The following GALNT13 variants were observed in gnomAD, a reference collection of about 807,000 sequenced individuals.
The protein encoded by GALNT13 is UDP-GalNAc:polypeptide N-acetylgalactosaminyltransferase 13.
A neutral mutation model predicts 64.2 loss-of-function variants in GALNT13; 28 were observed. That is an observed-to-expected ratio of 0.44 (90% CI 0.32 to 0.60). GALNT13 has a LOEUF of 0.60. GALNT13 is among the 20% of genes least tolerant of loss of function. The pLI, the probability that GALNT13 is intolerant of heterozygous loss-of-function variation, is 0.05. For missense variants in GALNT13, 577 were observed against 669.8 expected (o/e 0.86, Z 1.53); for synonymous variants, 214 against 224.6 (o/e 0.95, Z 0.42).
At chr2:153,302,985 T>G in the GALNT13 span, among the ~76,000 whole-genome samples, 2 of 152,178 alleles carry the variant, frequency 1.3e-5, no homozygotes, top group East Asian at 3.8e-4. Context: ...GTGTGATGCC[T>G]CCAGCTTTGT....
the GALNT13 span, among the ~76,000 whole-genome samples, chr2:153,400,094 G>A: frequency 4.0e-4 from 61 of 151,934 alleles, no homozygotes; most frequent in African/African-American, 1.0e-3. Context: ...TTTGAAATAC[G>A]TCCCATCAAT....
At chr2:154,239,961 G>A (rs1689393797) in intron 4 of GALNT13, among the ~76,000 whole-genome samples, 2 of 152,044 alleles carry the variant, frequency 1.3e-5, no homozygotes, top group African/African-American at 4.8e-5. Context: ...CAACAATGCT[G>A]TATGTGTCAT....
chr2:153,670,127 A>G, the GALNT13 span, among the ~76,000 whole-genome samples: 1 of 152,208 alleles, frequency 6.6e-6, no homozygotes, highest in Admixed American at 6.5e-5. Context: ...TATCTGAACA[A>G]AAGGCAGCAG....
chr2:153,418,828 A>G, the GALNT13 span, among the ~76,000 whole-genome samples: 230 of 152,278 alleles, frequency 1.5e-3, no homozygotes, highest in African/African-American at 5.2e-3. Flanking sequence ...ACTGCACTTC[A>G]GCCTGGGCGA....
intron 1 of GALNT13, among the ~76,000 whole-genome samples, chr2:153,878,735 A>G: frequency 6.6e-6 from 1 of 152,168 alleles, no homozygotes; most frequent in Admixed American, 6.5e-5. Flanking sequence ...TGTACGGGTC[A>G]GTTTGCTCCA....
chr2:154,262,020 G>T (rs1451211788), intron 8 of GALNT13, among the ~76,000 whole-genome samples: 1 of 152,108 alleles, frequency 6.6e-6, no homozygotes, highest in South Asian at 2.1e-4. Context: ...CTTGATCGCT[G>T]TACTTAAAGA....
the GALNT13 span, among the ~76,000 whole-genome samples, chr2:153,556,732 A>C: frequency 7.2e-5 from 11 of 152,286 alleles, no homozygotes; most frequent in Middle Eastern, 3.4e-3. Flanking sequence ...AAATATTCTT[A>C]AATTCAAAAC....
At chr2:154,291,721 T>A (rs567708817) in intron 8 of GALNT13, among the ~76,000 whole-genome samples, 1 of 152,346 alleles carries the variant, frequency 6.6e-6, no homozygotes, top group East Asian at 1.9e-4. Flanking sequence ...GGCTCCCGCC[T>A]TGGCCAGCCC....
rs541339432 is a variant in GALNT13 at position 154,388,237 on chromosome 2, C to T, written c.1157-7754C>T. Among the ~76,000 whole-genome samples, 6 of 152,230 alleles carry T rather than the reference C, an allele frequency of 3.9e-5. No individual in the cohort carries two copies. In the South Asian group the frequency reaches 1.0e-3, roughly 26 times the overall value. ...TCTTCTTTTGAGAAATGTTTGTTCA[C>T]GACCTTTGCCCATTTTTAATCAGGT... On this transcript the variant is annotated intron_variant, in intron 9 of 12. Transcript: ENST00000392825.
At chr2:153,227,782 TAAA>T in the GALNT13 span, among the ~76,000 whole-genome samples, 17 of 152,292 alleles carry the variant, frequency 1.1e-4, no homozygotes, top group African/African-American at 4.1e-4. Flanking sequence ...AACAAGTTAA[TAAA>T]AAATTCTGGA....
intron 3 of GALNT13, among the ~76,000 whole-genome samples, chr2:154,072,002 T>C (rs1346888583): frequency 6.6e-6 from 1 of 152,086 alleles, no homozygotes; most frequent in African/African-American, 2.4e-5. Flanking sequence ...GTGAGTTCAA[T>C]GTTAATGAAT....
At chr2:154,116,214 G>T (rs1681554446) in intron 3 of GALNT13, among the ~76,000 whole-genome samples, 1 of 152,140 alleles carries the variant, frequency 6.6e-6, no homozygotes, top group South Asian at 2.1e-4. Flanking sequence ...AGGTGCATCA[G>T]TGTTTACAAA....
Position 154,202,831 on chromosome 2 carries a change from C to T in GALNT13, c.312-39199C>T, listed in dbSNP as rs541748424. ...ACTACCATCGGTGATTCCAAGGTAA[C>T]TGTGCATCAAGTTATCTCAGGGAAA... is the stretch of plus-strand genomic sequence containing the variant. On this transcript the variant is annotated intron_variant, in intron 4 of 12. Coordinates refer to ENST00000392825, the MANE Select transcript of GALNT13 (RefSeq NM_052917.4). Among the ~76,000 whole-genome samples, 130 of 152,204 alleles carry T rather than the reference C, an allele frequency of 8.5e-4. 1 individual carries two copies. Among genetic ancestry groups the T allele is most frequent in the African/African-American group, 3.1e-3 (128 of 41,536 alleles).
intron 3 of GALNT13, among the ~76,000 whole-genome samples, chr2:154,116,734 C>T (rs1393715497): frequency 1.3e-5 from 2 of 152,102 alleles, no homozygotes; most frequent in African/African-American, 4.8e-5. Context: ...GAAGTAGAGT[C>T]CTTAGCATTT....
chr2:153,689,594 T>C, the GALNT13 span, among the ~76,000 whole-genome samples: 5 of 152,108 alleles, frequency 3.3e-5, no homozygotes, highest in Admixed American at 1.3e-4. Flanking sequence ...CACTATGAAT[T>C]AGATTTTTGT....
chr2:153,934,670 C>T (rs766420845), intron 2 of GALNT13, among the ~76,000 whole-genome samples: 4 of 152,122 alleles, frequency 2.6e-5, no homozygotes, highest in East Asian at 1.9e-4. Flanking sequence ...GTGTGTGTTC[C>T]ACTTGCTTCC....
the GALNT13 span, among the ~76,000 whole-genome samples, chr2:153,309,714 G>T: frequency 2.0e-5 from 3 of 151,500 alleles, no homozygotes; most frequent in Admixed American, 6.6e-5. Context: ...CTCATTTTTT[G>T]ATTTTTTTAA....
intron 3 of GALNT13, among the ~76,000 whole-genome samples, chr2:154,071,013 C>G (rs1407964268): frequency 6.6e-6 from 1 of 151,856 alleles, no homozygotes; most frequent in African/African-American, 2.4e-5. Flanking sequence ...AAAATGGATA[C>G]CAATAAGGTT....
At chr2:153,766,376 G>T in the GALNT13 span, among the ~76,000 whole-genome samples, 1 of 152,228 alleles carries the variant, frequency 6.6e-6, no homozygotes, top group South Asian at 2.1e-4. Flanking sequence ...AGAATTTGGG[G>T]ATTCTTGCAC....
Sources: allele counts gnomAD v4.1 joint callset (sites outside exome capture counted in the v4.1 genomes callset), GRCh38; gene constraint gnomAD v4.1.1; transcripts MANE v1.5; gene names NCBI Gene and HGNC (gene_info 2026-07-23, HGNC 2026-07-21).